Variants in IRS2 observed in about 807,000 individuals in gnomAD.
IRS2 encodes insulin receptor substrate 2.
A neutral mutation model predicts 70.9 loss-of-function variants in IRS2; 28 were observed. That is an observed-to-expected ratio of 0.39 (90% CI 0.29 to 0.54). IRS2 has a LOEUF of 0.54. Ranked by LOEUF, IRS2 falls within the 20% of genes least tolerant of loss-of-function variation. The pLI is 0.59. For missense variants in IRS2, 2,081 were observed against 2,024.1 expected (o/e 1.03, Z -0.54); for synonymous variants, 1,217 against 981.9 (o/e 1.24, Z -4.48).
intron 1 of IRS2, among the ~76,000 whole-genome samples, chr13:109,781,664 A>G (rs1026720283): frequency 2.0e-5 from 3 of 152,080 alleles, no homozygotes; most frequent in Admixed American, 6.5e-5. Context: ...GTCCTTCCAG[A>G]AGGACGGACC....
rs1464161443 is a variant in IRS2, at chr13:109,784,272, C to G, written c.1782G>C (p.Ser594=). The G allele has an allele frequency of 1.3e-6, 2 of 1,592,082 alleles. No homozygotes were observed. The highest frequency in any genetic ancestry group is 1.1e-5 in the South Asian group (1 of 89,998). Residue 594 remains serine, a synonymous_variant, in exon 1 of 2, where the codon TCG becomes TCC. Transcript: ENST00000375856. This position sits in a 1 kb window ranked among gnomAD's most constrained non-coding sequence, Gnocchi z 5.2. Reference sequence around the variant, plus strand: ...CCCGCATCAGGGTGTATTCATCCAGCGAGGCAGAGGAGGGCTGGGGCACCG... The same window carrying G: ...CCCGCATCAGGGTGTATTCATCCAGGGAGGCAGAGGAGGGCTGGGGCACCG... ...QRPVPQPSSA[S]LDEYTLMRAT...
In IRS2 at chr13:109,784,476, C is replaced by T. The variant is rs749249185; in HGVS notation, c.1578G>A (p.Glu526=). The change falls in exon 1 of 2, where the codon GAG becomes GAA. Residue 526 remains glutamate, a synonymous_variant. Coordinates refer to ENST00000375856, the MANE Select transcript of IRS2 (RefSeq NM_003749.3). The surrounding 1 kb of genome is among the most constrained non-coding windows in gnomAD (Gnocchi z 5.2). ...HRSNTPESIA[E]TPPARDGGGG... ...CGCCGCCGTCTCGGGCCGGGGGCGT[C>T]TCCGCGATGGACTCGGGCGTGTTGC... is the stretch of plus-strand genomic sequence containing the variant. 3.7e-5 allele frequency: 58 copies of T among 1,579,144 alleles called. No homozygotes were observed. The highest frequency in any genetic ancestry group is 1.7e-4 in the Middle Eastern group (1 of 5,924).
Position 109,785,850 on chromosome 13 carries a change from C to T in IRS2, c.204G>A (p.Pro68=), listed in dbSNP as rs1322555031. 4.6e-6 allele frequency: 7 copies of T among 1,520,580 alleles called. No homozygotes were observed. The highest frequency in any genetic ancestry group is 6.1e-6 in the Non-Finnish European group (7 of 1,139,154). 94.2% of individuals were successfully genotyped at this position (1,520,580 alleles called of 1,614,324 possible). A position where few individuals can be genotyped will look rare whatever the true frequency, so the allele number is the denominator to read the frequency against. ...DEATAGGGSA[P]QPPRLEYYES... is the part of the protein sequence containing the mutation. Reference sequence around the variant, plus strand: ...CGTAGTACTCGAGCCGCGGCGGTTGCGGCGCCGACCCCCCGCCCGCCGTCG... The same window carrying T: ...CGTAGTACTCGAGCCGCGGCGGTTGTGGCGCCGACCCCCCGCCCGCCGTCG... The change falls in exon 1 of 2, where the codon CCG becomes CCA. Residue 68 remains proline (P), a synonymous_variant. Transcript: ENST00000375856. The surrounding 1 kb of genome is among the most constrained non-coding windows in gnomAD (Gnocchi z 9.3).
Position 109,785,094 on chromosome 13 carries a change from G to A in IRS2, c.960C>T (p.Pro320=). 2 of 1,584,626 alleles carry A rather than the reference G, an allele frequency of 1.3e-6. No homozygotes were observed. Among genetic ancestry groups the A allele is most frequent in the South Asian group, 1.1e-5 (1 of 87,492 alleles). ...CCAGGTGGTGGTGGCGGCGCGCGCC[G>A]GGGACGCTGATGGGGTGCGTGGCCG... is the stretch of plus-strand genomic sequence containing the variant. ...GSSATHPISV[P]GARRHHHLVN... Residue 320 remains proline (P), a synonymous_variant, in exon 1 of 2, where the codon CCC becomes CCT. Coordinates refer to ENST00000375856, the MANE Select transcript of IRS2 (RefSeq NM_003749.3). The surrounding 1 kb of genome is among the most constrained non-coding windows in gnomAD (Gnocchi z 9.3).
rs1417464624 is a variant in IRS2, at chr13:109,782,370, C to T, written c.3684G>A (p.Leu1228=). ...ATCCACCGCTCCCAGGACAACCGAC[C>T]AAGCCCCCGGGCTGACCCGGGGTCC... The part of the protein sequence containing the change: ...RPWTPGQPGG[L]VGCPGSGGSP... Residue 1228 remains leucine, a synonymous_variant, in exon 1 of 2, where the codon TTG becomes TTA. Transcript: ENST00000375856. 1 of 1,611,464 alleles carries T rather than the reference C, an allele frequency of 6.2e-7. No homozygotes were observed. The highest frequency in any genetic ancestry group is 8.5e-7 in the Non-Finnish European group (1 of 1,179,298).
Position 109,755,093 on chromosome 13 carries a change from G to A in IRS2, c.*1211C>T, listed in dbSNP as rs1877072761. 1 of 231,438 alleles carries A rather than the reference G, an allele frequency of 4.3e-6. No homozygotes were observed. The highest frequency in any genetic ancestry group is 1.8e-4 in the South Asian group (1 of 5,518). The allele number at this position is 231,438 out of a possible 1,614,324, so 14.3% of individuals were successfully genotyped here. A position where few individuals can be genotyped will look rare whatever the true frequency, so the allele number is the denominator to read the frequency against. ...AGAATACTGAAAACATAAAACAAGG[G>A]TAGTCTTGTCCGGAATTTTTTCGAC... On this transcript the variant is annotated 3_prime_UTR_variant, in exon 2 of 2. Transcript: ENST00000375856.
At chr13:109,774,378 G>A (rs990080607) in intron 1 of IRS2, among the ~76,000 whole-genome samples, 2 of 152,046 alleles carry the variant, frequency 1.3e-5, no homozygotes, top group African/African-American at 4.8e-5. Context: ...CTCCAAACCG[G>A]AGGATGTAAA....
In IRS2 at chr13:109,785,121, C is replaced by T. The variant is rs372009365; in HGVS notation, c.933G>A (p.Ser311=). The change falls in exon 1 of 2, where the codon TCG becomes TCA. Residue 311 remains serine, a synonymous_variant. Coordinates refer to ENST00000375856, the MANE Select transcript of IRS2 (RefSeq NM_003749.3). This position sits in a 1 kb window ranked among gnomAD's most constrained non-coding sequence, Gnocchi z 9.3. ...RPRSKSQSSG[S]SATHPISVPG... ...GGACGCTGATGGGGTGCGTGGCCGA[C>T]GACCCCGACGATTGGCTCTTACTGC... 4 of 1,592,664 alleles carry T rather than the reference C, an allele frequency of 2.5e-6. No individual in the cohort carries two copies. The highest frequency in any genetic ancestry group is 4.6e-5 in the East Asian group (2 of 43,786).
Position 109,783,566 on chromosome 13 carries a change from C to T in IRS2, c.2488G>A (p.Val830Met). The T allele has an allele frequency of 6.5e-7, 1 of 1,549,414 alleles. No homozygotes were observed. The highest frequency in any genetic ancestry group is 8.7e-7 in the Non-Finnish European group (1 of 1,146,442). ...SDQYVLMSSP[V>M]GRILEEERLE... ...CGCTCCTCCTCCAGGATGCGCCCCA[C>T]GGGGGAGCTCATGAGCACGTACTGG... Residue 830 changes from valine to methionine, a missense_variant, in exon 1 of 2, where the codon GTG (valine) becomes ATG (methionine). By Grantham distance (21) the Val-to-Met change is conservative (BLOSUM62 1). Coordinates refer to ENST00000375856, the MANE Select transcript of IRS2 (RefSeq NM_003749.3).
intron 1 of IRS2, among the ~76,000 whole-genome samples, chr13:109,781,491 A>C (rs528885642): frequency 6.6e-6 from 1 of 152,328 alleles, no homozygotes; most frequent in East Asian, 1.9e-4. Flanking sequence ...TGTAAAACGG[A>C]AATGGTTAAC....
rs1435299690 is a variant in IRS2, at chr13:109,783,392, C to A, written c.2662G>T (p.Val888Leu). The A allele has an allele frequency of 1.3e-6, 2 of 1,484,342 alleles. No individual in the cohort carries two copies. The highest frequency in any genetic ancestry group is 5.4e-5 in the East Asian group (2 of 37,354). 91.9% of individuals were successfully genotyped at this position (1,484,342 alleles called of 1,614,324 possible). A position where few individuals can be genotyped will look rare whatever the true frequency, so the allele number is the denominator to read the frequency against. ...EGFLGQRGRA[V>L]RPTRLSLEGL... The stretch of plus-strand genomic sequence containing the variant: ...TCCAGGGACAGGCGCGTGGGCCTCA[C>A]CGCCCGGCCGCGCTGGCCCAAGAAG... The change falls in exon 1 of 2, where the codon GTG becomes TTG. Residue 888 changes from valine (V) to leucine (L), a missense_variant. Around this residue, in one of 4 missense-constraint regions of IRS2, gnomAD observed 1,615 missense variants for 1,459.5 expected, o/e 1.11. Transcript: ENST00000375856.
chr13:109,769,625 C>T (rs902256584), intron 1 of IRS2, among the ~76,000 whole-genome samples: 2 of 152,200 alleles, frequency 1.3e-5, no homozygotes, highest in African/African-American at 4.8e-5. Flanking sequence ...TAGAGCATTT[C>T]ACCACCTGTA....
rs374095577 is a variant in IRS2, at chr13:109,784,332, C to T, written c.1722G>A (p.Arg574=). 22 of 1,607,776 alleles carry T rather than the reference C, an allele frequency of 1.4e-5. No individual in the cohort carries two copies. The highest frequency in any genetic ancestry group is 8.3e-5 in the Admixed American group (5 of 59,882). The change falls in exon 1 of 2, where the codon AGG becomes AGA. Residue 574 remains arginine, a synonymous_variant. Transcript: ENST00000375856. This position sits in a 1 kb window ranked among gnomAD's most constrained non-coding sequence, Gnocchi z 5.2. Reference sequence around the variant, plus strand: ...GGGCTGGCGTGGTCAGGGAGTAGGTCCTCTTGCGCAGCCCTCGGTCCAGGT... The same window carrying T: ...GGGCTGGCGTGGTCAGGGAGTAGGTTCTCTTGCGCAGCCCTCGGTCCAGGT... ...AQDLDRGLRK[R]TYSLTTPARQ... is the part of the protein sequence containing the mutation.
At position 109,782,295 on chromosome 13, in the gene IRS2, G is replaced by A. The variant is rs765137515; in HGVS notation, c.3759C>T (p.Tyr1253=). The change falls in exon 1 of 2, where the codon TAC becomes TAT. Residue 1253 remains tyrosine (Y), a synonymous_variant. Transcript: ENST00000375856. ...TSAGFQNGLN[Y]IAIDVREEPG... ...GCTCCTCCCTCACGTCGATGGCGAT[G>A]TAGTTGAGACCATTCTGGAAGCCGG... The A allele has an allele frequency of 3.7e-6, 6 of 1,611,716 alleles. No homozygotes were observed. The Admixed American group carries it at 6.7e-5, about 18-fold the overall frequency.
chr13:109,755,214 C>CCT lies in IRS2; in HGVS notation c.*1089_*1090insAG, dbSNP rs1877075923. On this transcript the variant is annotated 3_prime_UTR_variant, in exon 2 of 2. Coordinates refer to ENST00000375856, the MANE Select transcript of IRS2 (RefSeq NM_003749.3). Reference sequence around the variant, plus strand: ...CTCTTTTTATCAGTTTCTTTCTTTCCTTTTTTTTTTTTCTTTTTGTTTTTT... The same window carrying CCT: ...CTCTTTTTATCAGTTTCTTTCTTTCCCTTTTTTTTTTTTTCTTTTTGTTTTTT... 4 of 194,040 alleles carry CCT rather than the reference C, an allele frequency of 2.1e-5. No individual in the cohort carries two copies. In the South Asian group the frequency reaches 6.0e-4, roughly 29 times the overall value. 12.0% of individuals were successfully genotyped at this position (194,040 alleles called of 1,614,324 possible).
rs2138933260 is a variant in IRS2 at position 109,783,642 on chromosome 13, G to A, written c.2412C>T (p.Ser804=). The change falls in exon 1 of 2, where the codon AGC becomes AGT. Residue 804 remains serine (S), a synonymous_variant. Coordinates refer to ENST00000375856, the MANE Select transcript of IRS2 (RefSeq NM_003749.3). ...GGGCCTTGTAGGAGCGGGGCAAGGA[G>A]CTGTAGCAGCAGCCGGGAACGCCCC... ...PLRGVPGCCY[S]SLPRSYKAPY... 2 of 1,552,548 alleles carry A rather than the reference G, an allele frequency of 1.3e-6. No homozygotes were observed. Among genetic ancestry groups the A allele is most frequent in the Middle Eastern group, 1.7e-4 (1 of 5,964 alleles).
At position 109,784,744 on chromosome 13, in the gene IRS2, T is replaced by C; in HGVS notation, c.1310A>G (p.His437Arg). 1 of 1,227,658 alleles carries C rather than the reference T, an allele frequency of 8.1e-7. No homozygotes were observed. The highest frequency in any genetic ancestry group is 1.0e-6 in the Non-Finnish European group (1 of 986,386). The allele number at this position is 1,227,658 out of a possible 1,614,324, so 76.0% of individuals were successfully genotyped here. A position where few individuals can be genotyped will look rare whatever the true frequency, so the allele number is the denominator to read the frequency against. Residue 437 changes from histidine (H) to arginine (R), a missense_variant, in exon 1 of 2, where the codon CAC becomes CGC. Physicochemically the swap from His to Arg is conservative, Grantham distance 29. Transcript: ENST00000375856. This position sits in a 1 kb window ranked among gnomAD's most constrained non-coding sequence, Gnocchi z 5.2. ...GGGGCTGGTGGCGGCGGGCGGCGAG[T>C]GCGCCACGGGCATGGACATGGAGCG... ...HSRSMSMPVA[H>R]SPPAATSPGS...
Position 109,754,264 on chromosome 13 carries a change from C to A in IRS2, c.*2040G>T, listed in dbSNP as rs769557402. 1 of 229,396 alleles carries A rather than the reference C, an allele frequency of 4.4e-6. No homozygotes were observed. Among genetic ancestry groups the A allele is most frequent in the African/African-American group, 2.2e-5 (1 of 45,210 alleles). The allele number at this position is 229,396 out of a possible 1,614,324, so 14.2% of individuals were successfully genotyped here. A position where few individuals can be genotyped will look rare whatever the true frequency, so the allele number is the denominator to read the frequency against. ...ATTAAAAATGTAAATATTGCATATG[C>A]CTTTTTGTGAAATGTACAGGATAGA... On this transcript the variant is annotated 3_prime_UTR_variant, in exon 2 of 2. Transcript: ENST00000375856.
chr13:109,785,843 G>C lies in IRS2; in HGVS notation c.211C>G (p.Pro71Ala). Residue 71 changes from proline (P) to alanine (A), a missense_variant, in exon 1 of 2, where the codon CCG becomes GCG. Around this residue, in one of 4 missense-constraint regions of IRS2, gnomAD observed 320 missense variants for 352.9 expected, o/e 0.91. Transcript: ENST00000375856. The surrounding 1 kb of genome is among the most constrained non-coding windows in gnomAD (Gnocchi z 9.3). ...TAGGGSAPQPPRLEYYESEKK... is the reference protein window; with the variant it reads ...TAGGGSAPQPARLEYYESEKK... ...TCGCTCTCGTAGTACTCGAGCCGCG[G>C]CGGTTGCGGCGCCGACCCCCCGCCC... The C allele has an allele frequency of 6.5e-7, 1 of 1,529,904 alleles. No individual in the cohort carries two copies. Among genetic ancestry groups the C allele is most frequent in the Admixed American group, 2.0e-5 (1 of 50,800 alleles). 94.8% of individuals were successfully genotyped at this position (1,529,904 alleles called of 1,614,324 possible).
Sources: allele counts gnomAD v4.1 joint callset (sites outside exome capture counted in the v4.1 genomes callset), GRCh38; gene constraint gnomAD v4.1.1; regional missense constraint gnomAD v4.1.1; non-coding constraint Gnocchi (gnomAD v3.1); transcripts MANE v1.5; gene names NCBI Gene and HGNC (gene_info 2026-07-23, HGNC 2026-07-21).